NT5DC3: variants seen among roughly 807,000 people sequenced by gnomAD.
NT5DC3 encodes the protein 5'-nucleotidase domain-containing protein 3.
In NT5DC3, 42 loss-of-function variants were observed where a neutral mutation model predicts 67.8. The ratio of observed to expected loss-of-function variants is 0.62; its 90% confidence interval spans 0.48 to 0.80. The LOEUF (loss-of-function observed/expected upper bound fraction) is 0.80. NT5DC3 is among the 30% of genes least tolerant of loss of function. NT5DC3 has a pLI of 0.00. For missense variants in NT5DC3, 570 were observed against 696.4 expected (o/e 0.82, Z 2.04); for synonymous variants, 237 against 255.6 (o/e 0.93, Z 0.69).
chr12:103,814,864 G>C (rs568133689), intron 2 of NT5DC3, 73 bp downstream of exon 2: 2 of 1,082,688 alleles, frequency 1.8e-6, no homozygotes, highest in South Asian at 4.8e-5. Context: ...GGCAGACTTG[G>C]GGTCATGTCA....
At chr12:103,753,197 G>A in the NT5DC3 span, 30 of 1,612,730 alleles carry the variant, frequency 1.9e-5, no homozygotes, top group South Asian at 1.2e-4. Flanking sequence ...TGACCTGGGC[G>A]ATTCCTCCTC....
chr12:103,765,604 C>T (rs781226263), downstream of NT5DC3, among the ~76,000 whole-genome samples: 4 of 152,204 alleles, frequency 2.6e-5, no homozygotes, highest in East Asian at 1.9e-4. Flanking sequence ...TGGTGTGTCA[C>T]GCAGGCTGGA....
chr12:103,796,808 C>T, intron 6 of NT5DC3, 86 bp downstream of exon 6: 2 of 1,411,758 alleles, frequency 1.4e-6, no homozygotes, highest in Non-Finnish European at 2.0e-6. Flanking sequence ...AAACACCTAA[C>T]CTAGAAAGGA....
chr12:103,793,139 G>A (rs1160581527), intron 9 of NT5DC3, 25 bp downstream of exon 9: 1 of 1,472,722 alleles, frequency 6.8e-7, no homozygotes, highest in Non-Finnish European at 9.4e-7. Context: ...ATAAAATCTA[G>A]TCCCCTAGAA....
At chr12:103,784,401 A>G (rs1349994552) in intron 12 of NT5DC3, among the ~76,000 whole-genome samples, 1 of 152,228 alleles carries the variant, frequency 6.6e-6, no homozygotes, top group African/African-American at 2.4e-5. Flanking sequence ...ACCTGGAGCC[A>G]GAATCTGGCC....
At chr12:103,765,643 A>G (rs1884891584), downstream of NT5DC3, among the ~76,000 whole-genome samples, 1 of 152,150 alleles carries the variant, frequency 6.6e-6, no homozygotes, top group South Asian at 2.1e-4. Context: ...GGCTCACTGC[A>G]AGCCTCAGGT....
chr12:103,757,111 G>C, the NT5DC3 span, among the ~76,000 whole-genome samples: 1 of 150,438 alleles, frequency 6.6e-6, no homozygotes, highest in East Asian at 1.9e-4. Context: ...GTTTTCTTAA[G>C]AGAGTCTTGT....
intron 1 of NT5DC3, among the ~76,000 whole-genome samples, chr12:103,838,160 T>G (rs985725078): frequency 6.6e-6 from 1 of 152,292 alleles, no homozygotes; most frequent in East Asian, 1.9e-4. Context: ...TTCACTATCA[T>G]GAGAATAGCA....
At chr12:103,751,472 T>C in the NT5DC3 span, among the ~76,000 whole-genome samples, 25 of 152,256 alleles carry the variant, frequency 1.6e-4, no homozygotes, top group Admixed American at 6.5e-5. Flanking sequence ...TGAGACCAAA[T>C]GCAGTGGTGG....
chr12:103,749,841 C>CA, the NT5DC3 span, among the ~76,000 whole-genome samples: 515 of 51,152 alleles, frequency 0.01, 114 homozygotes, highest in African/African-American at 0.025. Context: ...CTCTGTCTCA[C>CA]AAAAAAAAAA....
chr12:103,762,792 G>A, the NT5DC3 span, among the ~76,000 whole-genome samples: 1 of 152,332 alleles, frequency 6.6e-6, no homozygotes, highest in East Asian at 1.9e-4. Flanking sequence ...AGAACTGGGG[G>A]ACAGGGCTAG....
chr12:103,758,253 CTT>C, the NT5DC3 span: 1 of 1,614,114 alleles, frequency 6.2e-7, no homozygotes, highest in Non-Finnish European at 8.5e-7. Context: ...GCGGCACCCT[CTT>C]TGTGCCACAG....
At position 103,785,374 on chromosome 12, in the gene NT5DC3, G is replaced by A. The variant is rs963990233; in HGVS notation, c.1290C>T (p.Thr430=). ...ATAAGCCAGTCAAGGTCTGCAGCCA[G>A]GTCATGGTTTGAATGTATTGCTCCG... ...MNTEQYIQTM[T]WLQTLTGLLE... The change falls in exon 12 of 14, where the codon ACC becomes ACT. Residue 430 remains threonine (T), a synonymous_variant. Transcript: ENST00000392876. 38 of 1,614,004 alleles carry A rather than the reference G, an allele frequency of 2.4e-5. No homozygotes were observed. Among genetic ancestry groups the A allele is most frequent in the Non-Finnish European group, 3.0e-5 (35 of 1,179,974 alleles).
chr12:103,812,224 C>T (rs904039269), intron 2 of NT5DC3, among the ~76,000 whole-genome samples: 2 of 152,218 alleles, frequency 1.3e-5, no homozygotes, highest in African/African-American at 4.8e-5. Context: ...TATGACTGTG[C>T]GTCTCAAAAG....
At chr12:103,795,837 A>G (rs4964812) in intron 6 of NT5DC3, among the ~76,000 whole-genome samples, 41,546 of 152,090 alleles carry the variant, frequency 0.27, 6,202 homozygotes, top group East Asian at 0.61. Flanking sequence ...TGATTTGTAC[A>G]GTAAGTCCTT....
the NT5DC3 span, among the ~76,000 whole-genome samples, chr12:103,760,025 A>C: frequency 6.3e-4 from 96 of 152,328 alleles, no homozygotes; most frequent in African/African-American, 2.2e-3. Flanking sequence ...GGTGGATATG[A>C]GTGGAAGATA....
At position 103,780,161 on chromosome 12, in the gene NT5DC3, T is replaced by C. The variant is rs1203201871; in HGVS notation, c.1394+139A>G. 4 of 742,212 alleles carry C rather than the reference T, an allele frequency of 5.4e-6. No homozygotes were observed. In the Admixed American group the frequency reaches 7.8e-5, roughly 14 times the overall value. 46.0% of individuals were successfully genotyped at this position (742,212 alleles called of 1,614,324 possible). ...ACAGCAGGTAGCTGATTCTGGATCC[T>C]GGGGGAGGCAGACATACCTGGGAGC... On this transcript the variant is annotated intron_variant, in intron 13 of 13. Coordinates refer to ENST00000392876, the MANE Select transcript of NT5DC3 (RefSeq NM_001031701.3).
intron 2 of NT5DC3, among the ~76,000 whole-genome samples, chr12:103,810,338 C>A (rs905588038): frequency 3.3e-5 from 5 of 152,194 alleles, no homozygotes; most frequent in African/African-American, 1.2e-4. Flanking sequence ...ATCAGTAGAA[C>A]ACCTGTTAAC....
intron 1 of NT5DC3, among the ~76,000 whole-genome samples, chr12:103,837,205 C>G (rs1320090212): frequency 6.6e-6 from 1 of 152,256 alleles, no homozygotes; most frequent in African/African-American, 2.4e-5. Flanking sequence ...CTACATTGGC[C>G]TCTTCCAGCC....
Sources: gnomAD v4.1 joint callset for allele counts (sites outside exome capture counted in the v4.1 genomes callset) on GRCh38, gnomAD v4.1.1 for gene constraint, MANE v1.5 for transcripts, NCBI Gene and HGNC (gene_info 2026-07-23, HGNC 2026-07-21) for gene names.